Variants in DPF3 observed in about 807,000 individuals in gnomAD.
DPF3 encodes the protein double PHD fingers 3, also known as zinc finger protein DPF3.
Under a neutral mutation model 56.8 loss-of-function variants are expected in DPF3, and 18 were observed. The ratio of observed to expected loss-of-function variants is 0.32; its 90% confidence interval spans 0.22 to 0.47. The LOEUF (loss-of-function observed/expected upper bound fraction) is 0.47, where lower values mean the gene tolerates loss of function less well. DPF3 is among the 20% of genes least tolerant of loss of function. The pLI, the probability that DPF3 is intolerant of heterozygous loss-of-function variation, is 1.00. For synonymous variants in DPF3, 188 were observed against 180.2 expected, an observed-to-expected ratio of 1.04 and a Z score of -0.35; for missense variants, 403 against 488.8, an observed-to-expected ratio of 0.82 and a Z score of 1.65.
chr14:72,791,233 C>T (rs1032335613), intron 1 of DPF3, among the ~76,000 whole-genome samples: 1 of 152,208 alleles, frequency 6.6e-6, no homozygotes, highest in Non-Finnish European at 1.5e-5. Flanking sequence ...CAGTTTACTT[C>T]GTGTGGAGCT....
At chr14:72,745,873 T>A (rs1890304025) in intron 3 of DPF3, among the ~76,000 whole-genome samples, 1 of 152,182 alleles carries the variant, frequency 6.6e-6, no homozygotes, top group African/African-American at 2.4e-5. Flanking sequence ...ACTGTCCGAG[T>A]TAGCCCTGTT....
intron 4 of DPF3, 47 bp downstream of exon 4, chr14:72,731,760 A>G (rs1396113672): frequency 6.2e-7 from 1 of 1,610,392 alleles, no homozygotes; most frequent in South Asian, 1.1e-5. Context: ...TGGAAGCGCT[A>G]TGGTGACAGG....
intron 1 of DPF3, among the ~76,000 whole-genome samples, chr14:72,829,393 T>C (rs1883954922): frequency 6.6e-6 from 1 of 152,188 alleles, no homozygotes. Context: ...ATAAACAGTT[T>C]TTTGTTTTTG....
At chr14:72,720,482 A>G (rs994994119) in intron 5 of DPF3, among the ~76,000 whole-genome samples, 4 of 152,180 alleles carry the variant, frequency 2.6e-5, no homozygotes, top group African/African-American at 9.7e-5. Context: ...CCACAGTATC[A>G]CTGTACAACA....
intron 1 of DPF3, among the ~76,000 whole-genome samples, chr14:72,813,295 G>C (rs941057619): frequency 4.6e-5 from 7 of 152,164 alleles, no homozygotes; most frequent in African/African-American, 1.7e-4. Context: ...GTGCTGCTCA[G>C]GTGAGGGGAC....
At chr14:72,887,022 T>C (rs150444767) in intron 1 of DPF3, among the ~76,000 whole-genome samples, 1 of 152,162 alleles carries the variant, frequency 6.6e-6, no homozygotes, top group Non-Finnish European at 1.5e-5. Context: ...CAAATTAAAA[T>C]AAAATAAGCA....
chr14:72,630,206 T>C (rs1249542438), intron 8 of DPF3, among the ~76,000 whole-genome samples: 1 of 152,070 alleles, frequency 6.6e-6, no homozygotes, highest in Non-Finnish European at 1.5e-5. Flanking sequence ...ATCAGAAGGA[T>C]TGTATGAGGT....
intron 1 of DPF3, among the ~76,000 whole-genome samples, chr14:72,822,559 G>C (rs1334309870): frequency 6.6e-6 from 1 of 152,164 alleles, no homozygotes; most frequent in Non-Finnish European, 1.5e-5. Flanking sequence ...AAACAGGTAA[G>C]TCTATACTGA....
In DPF3 at chr14:72,618,053, G is replaced by A. The variant is rs2803963; in HGVS notation, c.*1244C>T. 0.49 allele frequency among the ~76,000 whole-genome samples: 73,859 copies of A among 151,820 alleles called. 18,791 individuals are homozygous for A. Among genetic ancestry groups the A allele is most frequent in the East Asian group, 0.94 (4,819 of 5,154 alleles). On this transcript the variant is annotated 3_prime_UTR_variant, in exon 11 of 11. Coordinates refer to ENST00000556509, the MANE Select transcript of DPF3 (RefSeq NM_001280542.3). The stretch of plus-strand genomic sequence containing the variant: ...TCAGCCTCCCCACCTCTTTCTTCTA[G>A]ACACATTTTTTTTTGAAAACAAGAG...
At chr14:72,766,572 C>T (rs1401250349) in intron 2 of DPF3, among the ~76,000 whole-genome samples, 1 of 152,222 alleles carries the variant, frequency 6.6e-6, no homozygotes, top group Non-Finnish European at 1.5e-5. Flanking sequence ...CCACCTCAGC[C>T]TCCCAAGTAG....
chr14:72,861,056 CACACACACACACAG>C (rs1409754789), intron 1 of DPF3, among the ~76,000 whole-genome samples: 7 of 95,594 alleles, frequency 7.3e-5, no homozygotes, highest in African/African-American at 1.8e-4. Flanking sequence ...CACACACACA[CACACACACACACAG>C]ACACATACAC....
intron 8 of DPF3, chr14:72,670,224 G>A (rs2153570254): frequency 4.1e-6 from 4 of 985,960 alleles, no homozygotes; most frequent in South Asian, 9.4e-5. Flanking sequence ...CCAGAAGCAC[G>A]GCCTCGGCCT....
chr14:72,792,113 C>T (rs1892464419), intron 1 of DPF3, among the ~76,000 whole-genome samples: 2 of 152,036 alleles, frequency 1.3e-5, no homozygotes, highest in South Asian at 4.2e-4. Flanking sequence ...CCCCGACCCA[C>T]TGCTCCTTCC....
At chr14:72,690,357 G>T (rs1432406653) in intron 7 of DPF3, among the ~76,000 whole-genome samples, 3 of 152,116 alleles carry the variant, frequency 2.0e-5, no homozygotes, top group South Asian at 4.1e-4. Context: ...GGGATCACTG[G>T]GGAGACTGCC....
At chr14:72,743,600 CAAAA>C (rs57448538) in intron 3 of DPF3, among the ~76,000 whole-genome samples, 24 of 141,714 alleles carry the variant, frequency 1.7e-4, no homozygotes, top group Admixed American at 2.1e-4. Context: ...TTTCTTCATT[CAAAA>C]AAAAAAAAAA....
At chr14:72,642,534 G>A (rs1885594299) in intron 8 of DPF3, among the ~76,000 whole-genome samples, 1 of 152,240 alleles carries the variant, frequency 6.6e-6, no homozygotes, top group South Asian at 2.1e-4. Context: ...TGGGAACAAA[G>A]ATAATTTCAG....
chr14:72,764,770 C>T (rs1272181525), intron 2 of DPF3, among the ~76,000 whole-genome samples: 1 of 152,142 alleles, frequency 6.6e-6, no homozygotes, highest in Non-Finnish European at 1.5e-5. Context: ...GGATTACAGG[C>T]GTGAGCCACC....
intron 6 of DPF3, among the ~76,000 whole-genome samples, chr14:72,709,747 A>G (rs1012726370): frequency 2.0e-5 from 3 of 151,330 alleles, no homozygotes; most frequent in Admixed American, 6.6e-5. Context: ...AAGGCCCTAC[A>G]CCTCTCTGAG....
intron 1 of DPF3, among the ~76,000 whole-genome samples, chr14:72,829,115 C>T (rs1213558112): frequency 6.6e-6 from 1 of 152,204 alleles, no homozygotes; most frequent in African/African-American, 2.4e-5. Flanking sequence ...TAGTCTGCCT[C>T]ATTCACATTG....
Sources: gnomAD v4.1 joint callset for allele counts (sites outside exome capture counted in the v4.1 genomes callset) on GRCh38, gnomAD v4.1.1 for gene constraint, MANE v1.5 for transcripts, NCBI Gene and HGNC (gene_info 2026-07-23, HGNC 2026-07-21) for gene names.